Variants in NBPF12 observed in about 807,000 individuals in gnomAD.
NBPF12 encodes the protein NBPF family member NBPF12.
A neutral mutation model predicts 146.4 loss-of-function variants in NBPF12; 115 were observed. The observed-to-expected ratio is 0.79, with a 90% CI of 0.68 to 0.92. The LOEUF is 0.92. NBPF12 is among the 40% of genes least tolerant of loss of function. The pLI is 0.00. For missense variants in NBPF12, 1,205 were observed against 1,326.8 expected, an observed-to-expected ratio of 0.91 and a Z score of 1.43; for synonymous variants, 385 against 508.9, an observed-to-expected ratio of 0.76 and a Z score of 3.28.
chr1:146,971,346 A>G (rs1265333860), exon 13 of NBPF12: 10 of 1,611,830 alleles, frequency 6.2e-6, no homozygotes, highest in Non-Finnish European at 7.6e-6. Flanking sequence ...GGTTGTAGAC[A>G]GAGAATCCTC....
intron 1 of NBPF12, among the ~76,000 whole-genome samples, chr1:146,939,282 G>A (rs1654684967): frequency 1.3e-5 from 2 of 152,010 alleles, no homozygotes; most frequent in African/African-American, 2.4e-5. Context: ...GCACGTCTTC[G>A]GAAGTCCTGT....
intron 1 of NBPF12, among the ~76,000 whole-genome samples, chr1:146,941,199 C>T (rs1365862110): frequency 1.3e-5 from 2 of 151,234 alleles, no homozygotes; most frequent in African/African-American, 4.9e-5. Context: ...ATGCTCCTGC[C>T]TCAGTCCCCA....
At chr1:146,966,941 T>C (rs1189092599) in intron 9 of NBPF12, among the ~76,000 whole-genome samples, 1 of 150,644 alleles carries the variant, frequency 6.6e-6, no homozygotes, top group Non-Finnish European at 1.5e-5. Context: ...TGACCTGTTT[T>C]CTCCAAGAGG....
At chr1:146,970,401 G>T (rs1388754481) in intron 11 of NBPF12, among the ~76,000 whole-genome samples, 2 of 151,108 alleles carry the variant, frequency 1.3e-5, no homozygotes, top group East Asian at 3.9e-4. Flanking sequence ...CAAGCCTCCA[G>T]TGATATGGGA....
intron 1 of NBPF12, among the ~76,000 whole-genome samples, chr1:146,949,678 G>GT (rs1655237951): frequency 1.5e-5 from 2 of 134,014 alleles, no homozygotes; most frequent in African/African-American, 3.0e-5. Flanking sequence ...GGCTGGCTAT[G>GT]TTTTTTTCCT....
intron 6 of NBPF12, among the ~76,000 whole-genome samples, chr1:146,963,788 T>C (rs1255415560): frequency 0.036 from 5,244 of 146,378 alleles, 374 homozygotes; most frequent in African/African-American, 0.13. Context: ...CGAATGCTTT[T>C]CAAAATGAGA....
At position 146,977,318 on chromosome 1, in the gene NBPF12, G is replaced by A. The variant is rs1553887521; in HGVS notation, c.2193-148G>A. On this transcript the variant is annotated intron_variant, in intron 17 of 33. Transcript: ENST00000617844. ...CCGTGCTCTGTTGCAGACAGAACAG[G>A]ATTGCATGTTCCCTCTTAATGGGAA... 6.9e-3 allele frequency: 7,662 copies of A among 1,112,810 alleles called. 464 individuals carry two copies. The African/African-American group carries it at 0.11, about 16-fold the overall frequency. 68.9% of individuals were successfully genotyped at this position (1,112,810 alleles called of 1,614,324 possible). A position where few individuals can be genotyped will look rare whatever the true frequency, so the allele number is the denominator to read the frequency against.
At chr1:146,961,604 G>C (rs1244554905) in intron 4 of NBPF12, among the ~76,000 whole-genome samples, 1 of 150,690 alleles carries the variant, frequency 6.6e-6, no homozygotes, top group Non-Finnish European at 1.5e-5. Flanking sequence ...AAGTATTTGG[G>C]CATATTTCCT....
At chr1:146,950,985 A>AT (rs1213850339) in intron 1 of NBPF12, among the ~76,000 whole-genome samples, 5 of 151,950 alleles carry the variant, frequency 3.3e-5, no homozygotes, top group Non-Finnish European at 5.9e-5. Flanking sequence ...TATGCCAGAC[A>AT]TTTTTTCCCA....
upstream of NBPF12, among the ~76,000 whole-genome samples, chr1:146,944,599 C>T (rs1258799242): frequency 6.6e-6 from 1 of 151,514 alleles, no homozygotes; most frequent in African/African-American, 2.4e-5. Flanking sequence ...GACTCAGTGT[C>T]TCTGGCAACA....
chr1:146,955,605 T>C (rs1200363928), intron 2 of NBPF12, among the ~76,000 whole-genome samples: 1 of 136,240 alleles, frequency 7.3e-6, no homozygotes, highest in East Asian at 2.1e-4. Context: ...AAGCTATATG[T>C]GTATGTGGAA....
intron 14 of NBPF12, 34 bp downstream of exon 17, chr1:146,972,994 T>C (rs1553886835): frequency 1.1e-5 from 10 of 888,678 alleles, no homozygotes; most frequent in Non-Finnish European, 1.9e-5. Context: ...ATGAAAGTGA[T>C]GAACGAAGTC....
At chr1:146,938,951 G>C (rs1240187901) in exon 1 of NBPF12, 2 of 152,176 alleles carry the variant, frequency 1.3e-5, no homozygotes, top group African/African-American at 4.8e-5. Context: ...GGAAGTTCAA[G>C]TTTACTGCGA....
intron 12 of NBPF12, 81 bp downstream of exon 15, chr1:146,970,800 G>T (rs1373498219): frequency 1.8e-5 from 21 of 1,188,376 alleles, no homozygotes; most frequent in Non-Finnish European, 2.4e-5. Flanking sequence ...TGGCATCTAT[G>T]ATGGGCCAAA....
chr1:146,986,013 G>C (rs1351340809), intron 23 of NBPF12, among the ~76,000 whole-genome samples: 6 of 151,770 alleles, frequency 4.0e-5, no homozygotes, highest in Admixed American at 1.3e-4. Flanking sequence ...CAAGTTTATG[G>C]AAAATTATTG....
chr1:146,970,540 A>G, intron 11 of NBPF12, 107 bp from the exon 15 acceptor site: 1 of 1,396,810 alleles, frequency 7.2e-7, no homozygotes, highest in Non-Finnish European at 1.0e-6. Flanking sequence ...AGTTTTCAGT[A>G]CAATGCTGAA....
At chr1:146,951,712 A>G (rs1214117059) in intron 2 of NBPF12, 2 of 480,858 alleles carry the variant, frequency 4.2e-6, no homozygotes, top group African/African-American at 2.0e-5. Flanking sequence ...AATTTAATGT[A>G]TCTTAAGGTT....
At chr1:146,938,638 T>G (rs1332391990), upstream of NBPF12, 11 of 152,192 alleles carry the variant, frequency 7.2e-5, no homozygotes, top group South Asian at 2.3e-3. Context: ...CCTCCATTAC[T>G]CCTTTTCTCC....
chr1:146,949,027 T>C (rs1655203570), upstream of NBPF12, among the ~76,000 whole-genome samples: 1 of 151,950 alleles, frequency 6.6e-6, no homozygotes, highest in Non-Finnish European at 1.5e-5. Flanking sequence ...TTCACGTGTT[T>C]ACCTGCTGAT....
Sources: gnomAD v4.1 joint callset for allele counts (sites outside exome capture counted in the v4.1 genomes callset) on GRCh38, gnomAD v4.1.1 for gene constraint, MANE v1.5 for transcripts, NCBI Gene and HGNC (gene_info 2026-07-23, HGNC 2026-07-21) for gene names.